The following PLCB1 variants were observed in gnomAD, a reference collection of about 807,000 sequenced individuals.
The protein encoded by PLCB1 is 1-phosphatidylinositol 4,5-bisphosphate phosphodiesterase beta-1.
In PLCB1, 46 loss-of-function variants were observed where a neutral mutation model predicts 161.8. The observed-to-expected ratio is 0.28, with a 90% CI of 0.22 to 0.36. The LOEUF (loss-of-function observed/expected upper bound fraction) is 0.36, where lower values mean the gene tolerates loss of function less well. PLCB1 is among the 10% of genes least tolerant of loss of function. The pLI, the probability that PLCB1 is intolerant of heterozygous loss-of-function variation, is 1.00. For missense variants in PLCB1, 1,016 were observed against 1,472.5 expected, an observed-to-expected ratio of 0.69 and a Z score of 5.07; for synonymous variants, 517 against 503.7, an observed-to-expected ratio of 1.03 and a Z score of -0.35.
intron 2 of PLCB1, among the ~76,000 whole-genome samples, chr20:8,166,632 C>T (rs1196263295): frequency 6.6e-6 from 1 of 152,140 alleles, no homozygotes; most frequent in East Asian, 1.9e-4. Flanking sequence ...GTTCTTCCTC[C>T]CTTAAATCCT....
chr20:8,551,983 A>C (rs1464709551), intron 3 of PLCB1, among the ~76,000 whole-genome samples: 2 of 152,202 alleles, frequency 1.3e-5, no homozygotes, highest in African/African-American at 4.8e-5. Flanking sequence ...TTTGAGGCTT[A>C]AATCCAGGCT....
At chr20:8,445,457 G>C (rs966331399) in intron 3 of PLCB1, among the ~76,000 whole-genome samples, 11 of 152,026 alleles carry the variant, frequency 7.2e-5, no homozygotes, top group Middle Eastern at 3.4e-3. Flanking sequence ...TAGCCTTGTA[G>C]TATAGTTTGA....
intron 3 of PLCB1, among the ~76,000 whole-genome samples, chr20:8,373,914 A>G (rs1449749216): frequency 6.6e-6 from 1 of 152,252 alleles, no homozygotes; most frequent in Non-Finnish European, 1.5e-5. Context: ...CAAATTGGAC[A>G]AATAAAAATA....
At chr20:8,196,748 C>T (rs1464468407) in intron 2 of PLCB1, among the ~76,000 whole-genome samples, 1 of 151,724 alleles carries the variant, frequency 6.6e-6, no homozygotes, top group Non-Finnish European at 1.5e-5. Context: ...ATACATGTGC[C>T]ATGTTGGTGT....
Position 8,842,744 on chromosome 20 carries a change from G to A in PLCB1, c.3424-38878G>A, listed in dbSNP as rs145566144. Among the ~76,000 whole-genome samples the A allele has an allele frequency of 5.3e-4, 81 of 152,188 alleles. 1 individual carries two copies. The highest frequency in any genetic ancestry group is 1.9e-3 in the African/African-American group (78 of 41,520). On this transcript the variant is annotated intron_variant, in intron 31 of 31. Coordinates refer to ENST00000338037, the MANE Select transcript of PLCB1 (RefSeq NM_015192.4). ...TGCGTGACTGGGGGCTGCATGCACC[G>A]GTAATCAGAACAGAACAGGACGGGA...
rs375987147 is a variant in PLCB1, at chr20:8,297,738, T to A, written c.178-73644T>A. Among the ~76,000 whole-genome samples the A allele has an allele frequency of 1.3e-4, 20 of 152,108 alleles. No homozygotes were observed. In the East Asian group the frequency reaches 3.5e-3, roughly 26 times the overall value. ...ACTGTTAGAAATAACAGCAGGGCAT[T>A]TTTTCAGGAAGCTCTGGCCATTTGG... On this transcript the variant is annotated intron_variant, in intron 2 of 31. Transcript: ENST00000338037.
intron 31 of PLCB1, among the ~76,000 whole-genome samples, chr20:8,818,713 A>G (rs1008678504): frequency 6.6e-6 from 1 of 152,194 alleles, no homozygotes; most frequent in Non-Finnish European, 1.5e-5. Context: ...TAACATGCTT[A>G]TGAATTGGAA....
At chr20:8,795,035 G>A (rs1983948909) in intron 31 of PLCB1, among the ~76,000 whole-genome samples, 1 of 152,192 alleles carries the variant, frequency 6.6e-6, no homozygotes, top group Non-Finnish European at 1.5e-5. Flanking sequence ...GCAGTCATAG[G>A]AGAATATGCC....
At chr20:8,477,658 C>T (rs904249481) in intron 3 of PLCB1, among the ~76,000 whole-genome samples, 4 of 152,078 alleles carry the variant, frequency 2.6e-5, no homozygotes, top group African/African-American at 4.8e-5. Flanking sequence ...TGGCAGAAGG[C>T]GAATAGGGAG....
chr20:8,523,254 G>A (rs182518676), intron 3 of PLCB1, among the ~76,000 whole-genome samples: 1 of 151,780 alleles, frequency 6.6e-6, no homozygotes, highest in Admixed American at 6.6e-5. Context: ...AACTAGTCTA[G>A]ACACTAGGGA....
chr20:8,660,006 AAAG>A (rs1428559862), intron 9 of PLCB1, among the ~76,000 whole-genome samples: 33 of 151,532 alleles, frequency 2.2e-4, no homozygotes, highest in African/African-American at 5.8e-4. Context: ...AAAAAAAAAA[AAAG>A]AAGAAGAAGA....
intron 3 of PLCB1, among the ~76,000 whole-genome samples, chr20:8,381,907 G>A (rs1261785826): frequency 6.6e-6 from 1 of 152,004 alleles, no homozygotes; most frequent in African/African-American, 2.4e-5. Context: ...AGAAGCTCCT[G>A]GATTCATTGA....
chr20:8,505,112 G>T (rs1471092879), intron 3 of PLCB1, among the ~76,000 whole-genome samples: 1 of 152,108 alleles, frequency 6.6e-6, no homozygotes, highest in African/African-American at 2.4e-5. Flanking sequence ...CCTCCTGGAG[G>T]CCTTGATATC....
chr20:8,733,461 T>A, intron 19 of PLCB1, 69 bp downstream of exon 19: 1 of 1,328,570 alleles, frequency 7.5e-7, no homozygotes, highest in Non-Finnish European at 1.1e-6. Flanking sequence ...CATAAAGAAG[T>A]GGCTTAGTCA....
chr20:8,798,420 T>G (rs538945955), intron 31 of PLCB1, among the ~76,000 whole-genome samples: 1 of 152,258 alleles, frequency 6.6e-6, no homozygotes, highest in South Asian at 2.1e-4. Context: ...CTTATGCAAT[T>G]TTGGTGGATG....
intron 3 of PLCB1, among the ~76,000 whole-genome samples, chr20:8,577,218 G>A (rs1024112212): frequency 6.6e-6 from 1 of 151,354 alleles, no homozygotes; most frequent in Non-Finnish European, 1.5e-5. Flanking sequence ...TCACGAGGTT[G>A]GGAGATCGAG....
chr20:8,355,574 A>G (rs1351042086), intron 2 of PLCB1, among the ~76,000 whole-genome samples: 1 of 152,206 alleles, frequency 6.6e-6, no homozygotes, highest in East Asian at 1.9e-4. Flanking sequence ...AAATGCAAGC[A>G]AAGGGTGATG....
chr20:8,700,834 C>A (rs1440381860), intron 11 of PLCB1, among the ~76,000 whole-genome samples: 1 of 152,102 alleles, frequency 6.6e-6, no homozygotes, highest in Non-Finnish European at 1.5e-5. Flanking sequence ...TGCTAATGCA[C>A]ATAGCAGGAT....
At chr20:8,181,743 G>A (rs1426229928) in intron 2 of PLCB1, among the ~76,000 whole-genome samples, 1 of 152,142 alleles carries the variant, frequency 6.6e-6, no homozygotes, top group Non-Finnish European at 1.5e-5. Flanking sequence ...GGGAGGCTAA[G>A]GCAGGAGGAT....
Sources: gnomAD v4.1 joint callset for allele counts (sites outside exome capture counted in the v4.1 genomes callset) on GRCh38, gnomAD v4.1.1 for gene constraint, MANE v1.5 for transcripts, NCBI Gene and HGNC (gene_info 2026-07-23, HGNC 2026-07-21) for gene names.